Variants in CC2D1B observed in about 807,000 individuals in gnomAD.
The protein encoded by CC2D1B is coiled-coil and C2 domain-containing protein 1B.
CC2D1B carries 92 observed loss-of-function variants against 110.8 expected under a neutral mutation model. The observed-to-expected ratio is 0.83, with a 90% CI of 0.70 to 0.99. CC2D1B has a LOEUF of 0.99. Ranked by LOEUF, CC2D1B falls within the 50% of genes least tolerant of loss-of-function variation. CC2D1B has a pLI of 0.00. For missense variants in CC2D1B, 1,136 were observed against 1,089.0 expected, an observed-to-expected ratio of 1.04 and a Z score of -0.61; for synonymous variants, 406 against 429.2, an observed-to-expected ratio of 0.95 and a Z score of 0.67.
chr1:52,356,409 G>A lies in CC2D1B; in HGVS notation c.1912C>T (p.Gln638Ter). The change falls in exon 17 of 25, where the codon CAG becomes TAG. Residue 638 changes from glutamine to a stop codon, truncating the protein, a stop_gained. Transcript: ENST00000284376. LOFTEE classifies it high-confidence loss of function. ...CLLFSKQFMH[Q>*]GNVAETTRFE... ...CGGGTGGTCTCAGCCACGTTGCCCTGGTGCATGAACTGCTTGGAGAACAGC... is the reference window on the plus strand; with the variant it reads ...CGGGTGGTCTCAGCCACGTTGCCCTAGTGCATGAACTGCTTGGAGAACAGC... 6.2e-7 allele frequency: 1 copy of A among 1,614,194 alleles called. No individual in the cohort carries two copies. Among genetic ancestry groups the A allele is most frequent in the Non-Finnish European group, 8.5e-7 (1 of 1,180,026 alleles).
In CC2D1B at chr1:52,357,113, A is replaced by G. The variant is rs150197153; in HGVS notation, c.1766T>C (p.Leu589Ser). 3.1e-6 allele frequency: 5 copies of G among 1,613,962 alleles called. No homozygotes were observed. The highest frequency in any genetic ancestry group is 3.3e-5 in the Admixed American group (2 of 59,986). Reference protein sequence around the residue: ...PVDLSKVPSPLTDEEGDFILI... With the variant: ...PVDLSKVPSPSTDEEGDFILI... The stretch of plus-strand genomic sequence containing the variant: ...GATGAAGTCACCCTCCTCATCCGTC[A>G]AGGGCGAAGGCACCTACCCAGGTCA... Residue 589 changes from leucine (L) to serine (S), a missense_variant, in exon 16 of 25, where the codon TTG (leucine) becomes TCG (serine). Transcript: ENST00000284376.
In CC2D1B at chr1:52,358,963, G is replaced by A. The variant is rs1255026496; in HGVS notation, c.1257+64C>T. On this transcript the variant is annotated intron_variant, in intron 11 of 24. Coordinates refer to ENST00000284376, the MANE Select transcript of CC2D1B (RefSeq NM_001330585.2). ...GACAAGGACTAGCCGGAGGACCAGG[G>A]AGACAGAGCACCCAGCCAGGGAAGA... 3.8e-6 allele frequency: 6 copies of A among 1,586,462 alleles called. No homozygotes were observed. In the East Asian group the frequency reaches 1.1e-4, roughly 30 times the overall value.
Position 52,356,458 on chromosome 1 carries a change from C to T in CC2D1B, c.1879-16G>A, listed in dbSNP as rs1377718625. 1 of 1,614,130 alleles carries T rather than the reference C, an allele frequency of 6.2e-7. No individual in the cohort carries two copies. The highest frequency in any genetic ancestry group is 1.7e-5 in the Admixed American group (1 of 60,018). On this transcript the variant is annotated splice_polypyrimidine_tract_variant and intron_variant, in intron 16 of 24. Transcript: ENST00000284376. ...GCAGGCACTTCTGAAAATAGAGGCCCAGAGTGACTCCCGAGCCCAGAGCAG... is the reference window on the plus strand; with the variant it reads ...GCAGGCACTTCTGAAAATAGAGGCCTAGAGTGACTCCCGAGCCCAGAGCAG...
rs765913414 is a variant in CC2D1B at position 52,357,955 on chromosome 1, G to A, written c.1462-57C>T. 5.1e-5 allele frequency: 78 copies of A among 1,515,866 alleles called. No homozygotes were observed. The East Asian group carries it at 1.3e-3, about 25-fold the overall frequency. The allele number at this position is 1,515,866 out of a possible 1,614,324, so 93.9% of individuals were successfully genotyped here. A position where few individuals can be genotyped will look rare whatever the true frequency, so the allele number is the denominator to read the frequency against. On this transcript the variant is annotated intron_variant, in intron 13 of 24. Coordinates refer to ENST00000284376, the MANE Select transcript of CC2D1B (RefSeq NM_001330585.2). Reference sequence around the variant, plus strand: ...ATGTGTTCCCTAGCATAGTCATGGCGGCTCCCAGACTTGGGCTGTCTTCCT... The same window carrying A: ...ATGTGTTCCCTAGCATAGTCATGGCAGCTCCCAGACTTGGGCTGTCTTCCT...
chr1:52,359,573 G>A, intron 8 of CC2D1B, 39 bp from the exon 9 acceptor site: 1 of 1,606,116 alleles, frequency 6.2e-7, no homozygotes. Flanking sequence ...TGAAAGACAG[G>A]GGACCCCAAG....
Position 52,358,467 on chromosome 1 carries a change from G to A in CC2D1B, c.1331-6C>T, listed in dbSNP as rs369870151. Reference sequence around the variant, plus strand: ...GCCAGGGATGGGGGGAAATCCTGTGGGAGAGAGACAGCATGGGAGGGGCAG... The same window carrying A: ...GCCAGGGATGGGGGGAAATCCTGTGAGAGAGAGACAGCATGGGAGGGGCAG... On this transcript the variant is annotated splice_polypyrimidine_tract_variant and splice_region_variant and intron_variant, in intron 12 of 24. Coordinates refer to ENST00000284376, the MANE Select transcript of CC2D1B (RefSeq NM_001330585.2). 8.2e-5 allele frequency: 133 copies of A among 1,613,468 alleles called. No individual in the cohort carries two copies. The African/African-American group carries it at 1.4e-3, about 16-fold the overall frequency.
At position 52,363,773 on chromosome 1, in the gene CC2D1B, C is replaced by T. The variant is rs559494137; in HGVS notation, c.69+779G>A. ...TTGGCTCACTGCAACCTCTGCCTCC[C>T]GGGTCTAAGCGATTCTCCTGCCTCA... On this transcript the variant is annotated intron_variant, in intron 2 of 24. Transcript: ENST00000284376. Among the ~76,000 whole-genome samples the T allele has an allele frequency of 1.4e-4, 21 of 151,942 alleles. 1 individual carries two copies. In the South Asian group the frequency reaches 1.5e-3, roughly 11 times the overall value.
At chr1:52,354,315 T>C in intron 23 of CC2D1B, 1 of 600,190 alleles carries the variant, frequency 1.7e-6, no homozygotes, top group Non-Finnish European at 3.1e-6. Context: ...CCCTTTCCTC[T>C]CGGACCTGAG....
Position 52,364,768 on chromosome 1 carries a change from A to C in CC2D1B, c.-14-134T>G, listed in dbSNP as rs1459803825. ...GAACACCAAAGTATGGGTTACCTTT[A>C]ATTAAAGCACTGAAGCAGCACAGGC... On this transcript the variant is annotated intron_variant, in intron 1 of 24. Coordinates refer to ENST00000284376, the MANE Select transcript of CC2D1B (RefSeq NM_001330585.2). 64 of 514,174 alleles carry C rather than the reference A, an allele frequency of 1.2e-4. No homozygotes were observed. In the Admixed American group the frequency reaches 2.0e-3, roughly 16 times the overall value. The allele number at this position is 514,174 out of a possible 1,614,324, so 31.9% of individuals were successfully genotyped here.
chr1:52,355,009 C>T (rs1368260312), intron 21 of CC2D1B, 70 bp from the exon 22 acceptor site: 3 of 1,283,312 alleles, frequency 2.3e-6, no homozygotes, highest in South Asian at 1.2e-5. Flanking sequence ...AAATGGAGGC[C>T]CAGGGCTGGC....
At position 52,361,723 on chromosome 1, in the gene CC2D1B, A is replaced by G. The variant is rs1646786996; in HGVS notation, c.215-107T>C. ...CAGGCAGAAATCCCTCTTCCCTCCC[A>G]CAGCAGAGTCCCACCTGGAAAACTG... is the stretch of plus-strand genomic sequence containing the variant. On this transcript the variant is annotated intron_variant, in intron 3 of 24. Transcript: ENST00000284376. The G allele has an allele frequency of 2.9e-6, 4 of 1,371,452 alleles. No homozygotes were observed. In the African/African-American group the frequency reaches 5.7e-5, roughly 19 times the overall value. 85.0% of individuals were successfully genotyped at this position (1,371,452 alleles called of 1,614,324 possible).
rs1646741374 is a variant in CC2D1B at position 52,359,881 on chromosome 1, T to C, written c.766A>G (p.Asn256Asp). 5 of 1,610,396 alleles carry C rather than the reference T, an allele frequency of 3.1e-6. No individual in the cohort carries two copies. Among genetic ancestry groups the C allele is most frequent in the Admixed American group, 1.7e-5 (1 of 59,516 alleles). Residue 256 changes from asparagine to aspartate, a missense_variant and splice_region_variant, in exon 8 of 25, where the codon AAC (asparagine) becomes GAC (aspartate). Physicochemically the swap from Asn to Asp is conservative, Grantham distance 23 (BLOSUM62 1). Transcript: ENST00000284376. ...AGGCTGGTCTCAGGTTGGGAGGGGT[T>C]GTCTATAAGGAAACAAACAGTCCCC... Reference protein sequence around the residue: ...PPAPPALESDNPSQPETSLPG... With the variant: ...PPAPPALESDDPSQPETSLPG...
chr1:52,362,749 G>A lies in CC2D1B; in HGVS notation c.70-3C>T, dbSNP rs555495665. On this transcript the variant is annotated splice_polypyrimidine_tract_variant and splice_region_variant and intron_variant, in intron 2 of 24. Transcript: ENST00000284376. ...CCAAACTCCATAAAGAGCCCCATCT[G>A]AGAGCAGAGCAGGACTCTTAGGAAC... 118 of 1,613,896 alleles carry A rather than the reference G, an allele frequency of 7.3e-5. No individual in the cohort carries two copies. The Middle Eastern group carries it at 1.3e-3, about 18-fold the overall frequency.
rs1646559259 is a variant in CC2D1B, at chr1:52,353,066, A to G, written c.*159T>C. ...AGCCCCAGAGGGGCCAACAACAGGA[A>G]AGACCAGAGTCGTGGTCAGTAGTGC... On this transcript the variant is annotated 3_prime_UTR_variant, in exon 25 of 25. Transcript: ENST00000284376. 1.4e-6 allele frequency: 1 copy of G among 692,946 alleles called. No individual in the cohort carries two copies. The highest frequency in any genetic ancestry group is 2.2e-6 in the Non-Finnish European group (1 of 446,042). The allele number at this position is 692,946 out of a possible 1,614,324, so 42.9% of individuals were successfully genotyped here. A position where few individuals can be genotyped will look rare whatever the true frequency, so the allele number is the denominator to read the frequency against.
At chr1:52,361,276 T>A (rs1318805982) in intron 4 of CC2D1B, 144 bp from the exon 5 acceptor site, 2 of 1,232,594 alleles carry the variant, frequency 1.6e-6, no homozygotes, top group Non-Finnish European at 2.3e-6. Context: ...AAACATTTCT[T>A]TAATCTGACC....
intron 2 of CC2D1B, 63 bp from the exon 3 acceptor site, chr1:52,362,809 C>A (rs1445597574): frequency 6.4e-7 from 1 of 1,570,042 alleles, no homozygotes; most frequent in Non-Finnish European, 8.7e-7. Context: ...AGCTCCAGAG[C>A]CAGACTTGGG....
chr1:52,358,139 T>G, intron 13 of CC2D1B, 192 bp downstream of exon 13: 1 of 938,954 alleles, frequency 1.1e-6, no homozygotes, highest in Non-Finnish European at 1.5e-6. Flanking sequence ...GGGCTCTGGG[T>G]TCAGAAAGAC....
At chr1:52,358,900 A>G (rs1646713277) in intron 11 of CC2D1B, 127 bp downstream of exon 11, 1 of 1,453,278 alleles carries the variant, frequency 6.9e-7, no homozygotes, top group African/African-American at 1.4e-5. Context: ...TAAGGCAGCA[A>G]GAGCCCCAGA....
intron 24 of CC2D1B, 77 bp from the exon 25 acceptor site, chr1:52,353,300 AAGATAGAT>A (rs3838980): frequency 9.7e-5 from 143 of 1,477,326 alleles, no homozygotes; most frequent in Middle Eastern, 3.6e-4. Context: ...GGGTTTCCTG[AAGATAGAT>A]AGATAGATAG....
Sources: allele counts gnomAD v4.1 joint callset (sites outside exome capture counted in the v4.1 genomes callset), GRCh38; gene constraint gnomAD v4.1.1; transcripts MANE v1.5; gene names NCBI Gene and HGNC (gene_info 2026-07-23, HGNC 2026-07-21).